Variants in MDGA2 observed in about 807,000 individuals in gnomAD.
MDGA2 encodes the protein MAM domain-containing glycosylphosphatidylinositol anchor protein 2.
MDGA2 carries 40 observed loss-of-function variants against 117.8 expected under a neutral mutation model. That is an observed-to-expected ratio of 0.34 (90% CI 0.26 to 0.44). The LOEUF is 0.44. Ranked by LOEUF, MDGA2 falls within the 20% of genes least tolerant of loss-of-function variation. The probability of loss-of-function intolerance (pLI) is 1.00; values close to 1 mark genes in which losing one functional copy is unlikely to be tolerated. For missense variants in MDGA2, 1,123 were observed against 1,250.6 expected (o/e 0.90, Z 1.54); for synonymous variants, 452 against 439.0 (o/e 1.03, Z -0.37).
chr14:47,365,661 G>C, intron 1 of MDGA2, among the ~76,000 whole-genome samples: 1 of 152,184 alleles, frequency 6.6e-6, no homozygotes, highest in East Asian at 1.9e-4. Context: ...GATAGTAAAT[G>C]GTAACTAATT....
chr14:47,359,095 C>T lies in MDGA2; in HGVS notation c.281-57545G>A, dbSNP rs538601953. Among the ~76,000 whole-genome samples the T allele has an allele frequency of 2.0e-5, 3 of 152,316 alleles. No individual in the cohort carries two copies. The East Asian group carries it at 5.8e-4, about 29-fold the overall frequency. On this transcript the variant is annotated intron_variant, in intron 1 of 16. Coordinates refer to ENST00000399232, the MANE Select transcript of MDGA2 (RefSeq NM_001113498.3). ...TACTGGCCAGGCACGGTGGCTCACG[C>T]CTGTAATCCCAGCACTTTGGGAGGC... is the stretch of plus-strand genomic sequence containing the variant.
chr14:46,920,329 T>C (rs1242906090), intron 9 of MDGA2, among the ~76,000 whole-genome samples, 169 bp from the exon 10 acceptor site: 1 of 152,170 alleles, frequency 6.6e-6, no homozygotes, highest in Admixed American at 6.5e-5. Context: ...TCCTGGTTGA[T>C]TGGATGGGCA....
At chr14:46,858,552 C>A (rs1594999243) in intron 14 of MDGA2, among the ~76,000 whole-genome samples, 1 of 151,476 alleles carries the variant, frequency 6.6e-6, no homozygotes, top group Non-Finnish European at 1.5e-5. Context: ...CTCAGCCTCC[C>A]GAGTAGCTGG....
At chr14:47,171,947 A>G (rs1162178514) in intron 3 of MDGA2, among the ~76,000 whole-genome samples, 1 of 152,130 alleles carries the variant, frequency 6.6e-6, no homozygotes, top group African/African-American at 2.4e-5. Context: ...CCACCCTAAT[A>G]CTGCGCTTTT....
At chr14:47,514,840 T>A (rs889897837) in intron 1 of MDGA2, among the ~76,000 whole-genome samples, 1 of 152,116 alleles carries the variant, frequency 6.6e-6, no homozygotes, top group Non-Finnish European at 1.5e-5. Context: ...GGTCACATCA[T>A]GACAATGCTA....
At chr14:47,331,619 G>A (rs1335605283) in intron 1 of MDGA2, among the ~76,000 whole-genome samples, 1 of 151,636 alleles carries the variant, frequency 6.6e-6, no homozygotes, top group African/African-American at 2.4e-5. Context: ...TATTTTTCCT[G>A]GTTATTTTAA....
chr14:47,232,849 C>T, intron 2 of MDGA2, among the ~76,000 whole-genome samples: 1 of 151,998 alleles, frequency 6.6e-6, no homozygotes, highest in African/African-American at 2.4e-5. Flanking sequence ...ATTTTAATGA[C>T]AGAAAGAGGA....
chr14:47,000,420 C>G (rs939826010), intron 8 of MDGA2, among the ~76,000 whole-genome samples: 5 of 71,964 alleles, frequency 6.9e-5, no homozygotes, highest in African/African-American at 2.0e-4. Flanking sequence ...TATATATATA[C>G]ACATATAAAT....
intron 1 of MDGA2, among the ~76,000 whole-genome samples, chr14:47,361,100 A>G (rs1319333719): frequency 6.6e-6 from 1 of 152,068 alleles, no homozygotes; most frequent in Non-Finnish European, 1.5e-5. Flanking sequence ...AAAAAATTGT[A>G]TAATAACTAT....
intron 5 of MDGA2, among the ~76,000 whole-genome samples, chr14:47,128,146 T>G (rs1881997241): frequency 6.6e-6 from 1 of 152,166 alleles, no homozygotes; most frequent in South Asian, 2.1e-4. Context: ...AAAGAATTTT[T>G]GCATAAGTCA....
chr14:47,312,683 T>G (rs550464987), intron 1 of MDGA2, among the ~76,000 whole-genome samples: 178 of 125,460 alleles, frequency 1.4e-3, no homozygotes, highest in African/African-American at 5.1e-3. Flanking sequence ...TTTAGTTTTT[T>G]TTTTGTTTTG....
chr14:47,563,578 G>GTTTT lies in MDGA2; in HGVS notation c.280+110935_280+110938dup, dbSNP rs56244321. ...AGAATAGCAACCCCTGCTTTTTTCT[G>GTTTT]TTTTTTTTTTTTTTTTTTTTTTTTT... On this transcript the variant is annotated intron_variant, in intron 1 of 16. Coordinates refer to ENST00000399232, the MANE Select transcript of MDGA2 (RefSeq NM_001113498.3). Among the ~76,000 whole-genome samples the GTTTT allele has an allele frequency of 9.6e-3, 544 of 56,776 alleles. 29 individuals are homozygous for GTTTT. The highest frequency in any genetic ancestry group is 0.013 in the Non-Finnish European group (388 of 30,862). 37.2% of individuals were successfully genotyped at this position (56,776 alleles called of 152,430 possible). A position where few individuals can be genotyped will look rare whatever the true frequency, so the allele number is the denominator to read the frequency against.
chr14:47,351,536 G>T (rs916911319), intron 1 of MDGA2, among the ~76,000 whole-genome samples: 1 of 152,104 alleles, frequency 6.6e-6, no homozygotes, highest in East Asian at 1.9e-4. Context: ...CTTGGTTAAG[G>T]CTCAATAAGC....
chr14:47,291,499 A>G (rs747654598), intron 2 of MDGA2, among the ~76,000 whole-genome samples: 1 of 152,218 alleles, frequency 6.6e-6, no homozygotes, highest in South Asian at 2.1e-4. Context: ...GCAACTTGAA[A>G]ATATCGTGAG....
chr14:46,987,063 T>C (rs956972361), intron 8 of MDGA2, among the ~76,000 whole-genome samples: 1 of 152,102 alleles, frequency 6.6e-6, no homozygotes, highest in Non-Finnish European at 1.5e-5. Context: ...GTCTGCATAT[T>C]GGTAGTAATA....
intron 1 of MDGA2, among the ~76,000 whole-genome samples, chr14:47,464,761 T>A (rs1484992854): frequency 6.6e-6 from 1 of 151,988 alleles, no homozygotes; most frequent in Non-Finnish European, 1.5e-5. Context: ...CCCAAAGAAA[T>A]TTACAGACTC....
intron 14 of MDGA2, among the ~76,000 whole-genome samples, chr14:46,861,824 G>T (rs1160876332): frequency 6.6e-6 from 1 of 151,858 alleles, no homozygotes; most frequent in African/African-American, 2.4e-5. Context: ...GAAGTTTCTA[G>T]TTCTTAAGTT....
At chr14:47,501,061 C>A (rs906997169) in intron 1 of MDGA2, among the ~76,000 whole-genome samples, 2 of 152,062 alleles carry the variant, frequency 1.3e-5, no homozygotes, top group Admixed American at 6.6e-5. Flanking sequence ...TTTATCCTCA[C>A]TGAAAGTGGA....
intron 6 of MDGA2, among the ~76,000 whole-genome samples, chr14:47,070,003 T>C (rs891025044): frequency 6.6e-6 from 1 of 152,178 alleles, no homozygotes; most frequent in Non-Finnish European, 1.5e-5. Flanking sequence ...ATAGATTTAT[T>C]TCTTTTTCTT....
Sources: gnomAD v4.1 joint callset for allele counts (sites outside exome capture counted in the v4.1 genomes callset) on GRCh38, gnomAD v4.1.1 for gene constraint, MANE v1.5 for transcripts, NCBI Gene and HGNC (gene_info 2026-07-23, HGNC 2026-07-21) for gene names.